NLGN1: variants seen among roughly 807,000 people sequenced by gnomAD.
NLGN1 encodes the protein neuroligin-1.
Under a neutral mutation model 65.5 loss-of-function variants are expected in NLGN1, and 12 were observed. The ratio of observed to expected loss-of-function variants is 0.18; its 90% CI spans 0.12 to 0.30. The LOEUF (loss-of-function observed/expected upper bound fraction) is 0.30, where lower values mean the gene tolerates loss of function less well. Among genes scored for constraint, NLGN1 ranks in the 10% least tolerant of loss-of-function variants. NLGN1 has a pLI of 1.00. For missense variants in NLGN1, 750 were observed against 1,007.1 expected, an observed-to-expected ratio of 0.74 and a Z score of 3.46; for synonymous variants, 350 against 359.5, an observed-to-expected ratio of 0.97 and a Z score of 0.30.
At chr3:174,054,435 A>G (rs755926568) in intron 4 of NLGN1, among the ~76,000 whole-genome samples, 1 of 152,072 alleles carries the variant, frequency 6.6e-6, no homozygotes, top group South Asian at 2.1e-4. Flanking sequence ...GAATAATTCA[A>G]TGAGTTCTAT....
chr3:174,266,342 G>A (rs1016538848), intron 4 of NLGN1, among the ~76,000 whole-genome samples: 2 of 152,196 alleles, frequency 1.3e-5, no homozygotes, highest in Admixed American at 1.3e-4. Flanking sequence ...ATTTGCGTAG[G>A]ATAATGGCTT....
intron 1 of NLGN1, among the ~76,000 whole-genome samples, chr3:173,433,614 A>G (rs1334186710): frequency 2.6e-5 from 4 of 152,004 alleles, no homozygotes; most frequent in Non-Finnish European, 5.9e-5. Flanking sequence ...TATGGTGCAT[A>G]TTTATTTTCT....
chr3:173,542,238 T>A (rs1739010913), intron 2 of NLGN1, among the ~76,000 whole-genome samples: 1 of 152,052 alleles, frequency 6.6e-6, no homozygotes, highest in African/African-American at 2.4e-5. Context: ...CTTGTATGGC[T>A]CCATTTTTGT....
At chr3:173,809,138 C>T (rs1457362985) in intron 4 of NLGN1, among the ~76,000 whole-genome samples, 3 of 152,062 alleles carry the variant, frequency 2.0e-5, no homozygotes, top group East Asian at 1.9e-4. Context: ...TAGCACTGAT[C>T]GAATACACAT....
At chr3:174,215,783 A>G (rs1212651914) in intron 4 of NLGN1, among the ~76,000 whole-genome samples, 2 of 152,162 alleles carry the variant, frequency 1.3e-5, no homozygotes, top group South Asian at 2.1e-4. Flanking sequence ...TGTGTTGCCA[A>G]TGAATATATT....
At chr3:173,783,186 G>C (rs1042608310) in intron 3 of NLGN1, among the ~76,000 whole-genome samples, 2 of 152,118 alleles carry the variant, frequency 1.3e-5, no homozygotes, top group Non-Finnish European at 2.9e-5. Flanking sequence ...ATTTTTTACT[G>C]TACTTTGGTT....
chr3:173,995,158 A>G (rs935898313), intron 4 of NLGN1, among the ~76,000 whole-genome samples: 1 of 152,218 alleles, frequency 6.6e-6, no homozygotes, highest in African/African-American at 2.4e-5. Flanking sequence ...TTAAGCCAAG[A>G]AACGTTTTAT....
chr3:173,824,818 G>A (rs373834114), intron 4 of NLGN1, among the ~76,000 whole-genome samples: 4 of 151,974 alleles, frequency 2.6e-5, no homozygotes, highest in Non-Finnish European at 4.4e-5. Flanking sequence ...ATTTAGTGAC[G>A]TTGTGTACTG....
intron 4 of NLGN1, among the ~76,000 whole-genome samples, chr3:173,838,451 G>T (rs1481580092): frequency 3.9e-5 from 6 of 151,906 alleles, no homozygotes; most frequent in African/African-American, 9.7e-5. Flanking sequence ...ACTGATTTAG[G>T]TTACCATTTT....
intron 4 of NLGN1, among the ~76,000 whole-genome samples, chr3:174,189,543 T>C (rs558829184): frequency 6.6e-6 from 1 of 152,116 alleles, no homozygotes; most frequent in South Asian, 2.1e-4. Context: ...TGTGAAAATA[T>C]TTGCCATTTT....
rs566514414 is a variant in NLGN1 at position 174,035,898 on chromosome 3, AC to A, written c.646+228072del. On this transcript the variant is annotated intron_variant, in intron 4 of 6. Transcript: ENST00000457714. ...GACCTGTATATTAGTGTTTAAGTCC[AC>A]CCCCCTCATTCCAAGTTACATGACC... 3.8e-3 allele frequency among the ~76,000 whole-genome samples: 572 copies of A among 151,592 alleles called. 2 individuals carry two copies. The highest frequency in any genetic ancestry group is 0.013 in the African/African-American group (534 of 41,288).
chr3:173,457,781 T>A (rs940193252), intron 2 of NLGN1, among the ~76,000 whole-genome samples: 1 of 151,916 alleles, frequency 6.6e-6, no homozygotes, highest in Non-Finnish European at 1.5e-5. Flanking sequence ...GTGGAGATGA[T>A]GAAAAAGAAA....
intron 3 of NLGN1, among the ~76,000 whole-genome samples, chr3:173,651,841 G>T (rs899346502): frequency 3.9e-5 from 6 of 152,018 alleles, no homozygotes; most frequent in African/African-American, 1.4e-4. Flanking sequence ...CACCCAGGCT[G>T]GAGTGCAGTG....
At chr3:173,547,277 C>G (rs1740026056) in intron 2 of NLGN1, among the ~76,000 whole-genome samples, 1 of 152,106 alleles carries the variant, frequency 6.6e-6, no homozygotes, top group South Asian at 2.1e-4. Context: ...TCTTGTAAAT[C>G]TTTCATTCAC....
intron 4 of NLGN1, among the ~76,000 whole-genome samples, chr3:173,817,326 A>C (rs2150510237): frequency 6.6e-6 from 1 of 152,356 alleles, no homozygotes; most frequent in South Asian, 2.1e-4. Context: ...TGAGCAGGTA[A>C]GTGACATGAT....
intron 4 of NLGN1, among the ~76,000 whole-genome samples, chr3:174,265,600 A>G (rs1317137787): frequency 6.6e-6 from 1 of 151,628 alleles, no homozygotes; most frequent in Non-Finnish European, 1.5e-5. Flanking sequence ...AGTGAGATGA[A>G]CCCGGTACCT....
intron 3 of NLGN1, among the ~76,000 whole-genome samples, chr3:173,675,720 A>G (rs910253200): frequency 2.0e-5 from 3 of 152,056 alleles, no homozygotes; most frequent in African/African-American, 7.2e-5. Context: ...ATGTGGTTAT[A>G]GAAATGCAAA....
chr3:173,776,099 C>T (rs945582611), intron 3 of NLGN1, among the ~76,000 whole-genome samples: 10 of 151,958 alleles, frequency 6.6e-5, no homozygotes, highest in African/African-American at 2.4e-4. Flanking sequence ...CAAAAATGCC[C>T]GACTAGTATT....
chr3:173,637,663 G>A (rs1393167662), intron 3 of NLGN1, among the ~76,000 whole-genome samples: 1 of 152,088 alleles, frequency 6.6e-6, no homozygotes, highest in Non-Finnish European at 1.5e-5. Context: ...GTCTATGTAG[G>A]ACAGATATTT....
Sources: allele counts gnomAD v4.1 joint callset (sites outside exome capture counted in the v4.1 genomes callset), GRCh38; gene constraint gnomAD v4.1.1; transcripts MANE v1.5; gene names NCBI Gene and HGNC (gene_info 2026-07-23, HGNC 2026-07-21).